The following ACVR2A variants were observed in gnomAD, a reference collection of about 807,000 sequenced individuals.
The protein encoded by ACVR2A is activin A receptor type 2A.
In ACVR2A, 7 loss-of-function variants were observed where a neutral mutation model predicts 61.4. The ratio of observed to expected loss-of-function variants is 0.11; its 90% CI spans 0.06 to 0.21. The LOEUF is 0.21. Ranked by LOEUF, ACVR2A falls within the 10% of genes least tolerant of loss-of-function variation. ACVR2A has a pLI of 1.00. For missense variants in ACVR2A, 322 were observed against 621.7 expected (o/e 0.52, Z 5.13); for synonymous variants, 193 against 208.3 (o/e 0.93, Z 0.63).
intron 1 of ACVR2A, among the ~76,000 whole-genome samples, chr2:147,892,529 A>C (rs13018668): frequency 8.3e-6 from 1 of 120,344 alleles, no homozygotes; most frequent in Admixed American, 9.0e-5. Context: ...ATCAATATTT[A>C]CCATATCAAA....
At chr2:147,854,176 A>T (rs183352758) in intron 1 of ACVR2A, among the ~76,000 whole-genome samples, 1 of 152,354 alleles carries the variant, frequency 6.6e-6, no homozygotes, top group Admixed American at 6.5e-5. Context: ...GCCAAAGAAC[A>T]TATCATTATA....
chr2:147,908,295 A>G (rs1204124181), intron 4 of ACVR2A, among the ~76,000 whole-genome samples: 1 of 152,170 alleles, frequency 6.6e-6, no homozygotes, highest in African/African-American at 2.4e-5. Context: ...TCTTTTAAGC[A>G]TCAACCCCAA....
chr2:147,862,012 T>G (rs1312503821), intron 1 of ACVR2A, among the ~76,000 whole-genome samples: 1 of 152,182 alleles, frequency 6.6e-6, no homozygotes, highest in Non-Finnish European at 1.5e-5. Context: ...ATAATGCAAT[T>G]TGCCTGAAGT....
intron 1 of ACVR2A, among the ~76,000 whole-genome samples, chr2:147,849,466 T>G (rs1685396654): frequency 6.6e-6 from 1 of 152,212 alleles, no homozygotes; most frequent in African/African-American, 2.4e-5. Context: ...ACCTAATCTC[T>G]TAATTACATA....
intron 1 of ACVR2A, among the ~76,000 whole-genome samples, chr2:147,891,471 A>G (rs1324427388): frequency 6.6e-6 from 1 of 152,030 alleles, no homozygotes; most frequent in Admixed American, 6.6e-5. Context: ...TATGGGCCAA[A>G]TCCATCTTGG....
intron 4 of ACVR2A, among the ~76,000 whole-genome samples, chr2:147,913,823 A>C (rs950130022): frequency 1.7e-3 from 11 of 6,626 alleles, no homozygotes; most frequent in Admixed American, 7.0e-3. Flanking sequence ...ACTTGTAGAC[A>C]AAAAAAAAAA....
intron 4 of ACVR2A, 122 bp downstream of exon 4, chr2:147,900,020 A>G (rs2288190): frequency 0.59 from 671,071 of 1,135,974 alleles, 204,465 homozygotes; most frequent in South Asian, 0.65. Flanking sequence ...TTGAATGTTT[A>G]TTGTCATGAG....
At chr2:147,882,047 T>A (rs776929521) in intron 1 of ACVR2A, among the ~76,000 whole-genome samples, 11 of 152,194 alleles carry the variant, frequency 7.2e-5, no homozygotes, top group Non-Finnish European at 1.5e-4. Flanking sequence ...TTTGCCACTC[T>A]CTTTGGGACT....
intron 6 of ACVR2A, among the ~76,000 whole-genome samples, chr2:147,918,067 G>A (rs1284172909): frequency 6.6e-6 from 1 of 150,572 alleles, no homozygotes; most frequent in Non-Finnish European, 1.5e-5. Flanking sequence ...ATTTTATGTT[G>A]TTATTTTGTG....
At chr2:147,856,831 C>T (rs115588007) in intron 1 of ACVR2A, among the ~76,000 whole-genome samples, 2,220 of 152,218 alleles carry the variant, frequency 0.015, 27 homozygotes, top group Non-Finnish European at 0.024. Context: ...TATTATATAA[C>T]AAATCTTTCT....
At chr2:147,920,602 C>T (rs1294381893) in intron 8 of ACVR2A, among the ~76,000 whole-genome samples, 5 of 152,098 alleles carry the variant, frequency 3.3e-5, no homozygotes, top group Admixed American at 3.3e-4. Flanking sequence ...AATAATCCAC[C>T]ACCTTTTAAC....
chr2:147,908,056 A>G (rs1176929764), intron 4 of ACVR2A, among the ~76,000 whole-genome samples: 2 of 139,694 alleles, frequency 1.4e-5, no homozygotes, highest in African/African-American at 2.8e-5. Flanking sequence ...AAAAAAAAAG[A>G]AAAAAAAGAA....
At chr2:147,867,286 A>T (rs1685880740) in intron 1 of ACVR2A, among the ~76,000 whole-genome samples, 1 of 152,156 alleles carries the variant, frequency 6.6e-6, no homozygotes, top group Non-Finnish European at 1.5e-5. Context: ...GGATGTAAAG[A>T]GGTGGGGAAG....
chr2:147,917,453 G>A, intron 6 of ACVR2A, 27 bp downstream of exon 6: 2 of 1,608,146 alleles, frequency 1.2e-6, no homozygotes, highest in Non-Finnish European at 1.7e-6. Context: ...TTTTACTTTA[G>A]TAAAGTCTGA....
intron 8 of ACVR2A, among the ~76,000 whole-genome samples, chr2:147,921,483 C>T (rs1056412611): frequency 6.6e-6 from 1 of 152,090 alleles, no homozygotes; most frequent in African/African-American, 2.4e-5. Context: ...TTTCTTTTCC[C>T]CAGCATATCC....
At chr2:147,874,710 C>G (rs1357009811) in intron 1 of ACVR2A, among the ~76,000 whole-genome samples, 1 of 151,964 alleles carries the variant, frequency 6.6e-6, no homozygotes, top group Non-Finnish European at 1.5e-5. Context: ...ATTCTAAGAT[C>G]TGGTTTGGTT....
intron 1 of ACVR2A, among the ~76,000 whole-genome samples, chr2:147,892,814 A>T (rs917105293): frequency 3.4e-5 from 5 of 147,440 alleles, no homozygotes; most frequent in Admixed American, 1.4e-4. Flanking sequence ...TATTTTAATA[A>T]TTTTTTTTTT....
chr2:147,899,428 T>C lies in ACVR2A; in HGVS notation c.264-30T>C, dbSNP rs769851890. 3.3e-6 allele frequency: 5 copies of C among 1,497,814 alleles called. No homozygotes were observed. The South Asian group carries it at 6.0e-5, about 18-fold the overall frequency. The allele number at this position is 1,497,814 out of a possible 1,614,324, so 92.8% of individuals were successfully genotyped here. A position where few individuals can be genotyped will look rare whatever the true frequency, so the allele number is the denominator to read the frequency against. On this transcript the variant is annotated intron_variant, in intron 2 of 10. Transcript: ENST00000241416. ...GTAGGGTCAGTATAATAATATTGAT[T>C]TTAATTATTTTTTCTCTGCTTATTT...
chr2:147,862,591 A>G (rs1205633270), intron 1 of ACVR2A, among the ~76,000 whole-genome samples: 1 of 152,066 alleles, frequency 6.6e-6, no homozygotes, highest in Admixed American at 6.6e-5. Context: ...TAAAAATATG[A>G]AAATTAGCCG....
Sources: gnomAD v4.1 joint callset for allele counts (sites outside exome capture counted in the v4.1 genomes callset) on GRCh38, gnomAD v4.1.1 for gene constraint, MANE v1.5 for transcripts, NCBI Gene and HGNC (gene_info 2026-07-23, HGNC 2026-07-21) for gene names.